Variants in IFT122 observed in about 807,000 individuals in gnomAD.
IFT122 encodes intraflagellar transport 122.
IFT122 carries 118 observed loss-of-function variants against 161.6 expected under a neutral mutation model. The ratio of observed to expected loss-of-function variants is 0.73; its 90% CI spans 0.63 to 0.85. The LOEUF (loss-of-function observed/expected upper bound fraction) is 0.85. Ranked by LOEUF, IFT122 falls within the 40% of genes least tolerant of loss-of-function variation. The pLI is 0.00. For synonymous variants in IFT122, 550 were observed against 602.4 expected, an observed-to-expected ratio of 0.91 and a Z score of 1.27; for missense variants, 1,381 against 1,579.6, an observed-to-expected ratio of 0.87 and a Z score of 2.13.
chr3:129,466,495 C>CTTTTTTTTTTTTTTTTTTTTTTTT (rs527470540), intron 7 of IFT122, among the ~76,000 whole-genome samples: 3 of 102,176 alleles, frequency 2.9e-5, no homozygotes, highest in Non-Finnish European at 1.9e-5. Flanking sequence ...TATTTTTATT[C>CTTTTTTTTTTTTTTTTTTTTTTTT]TTTTTTTTTT....
intron 14 of IFT122, 140 bp downstream of exon 14, chr3:129,481,834 T>A: frequency 1.2e-6 from 1 of 858,786 alleles, no homozygotes; most frequent in Non-Finnish European, 1.9e-6. Flanking sequence ...ATGCACAGAG[T>A]CCCAGAGGCC....
At chr3:129,465,465 CTTTTT>C (rs61439083) in intron 7 of IFT122, among the ~76,000 whole-genome samples, 2 of 101,246 alleles carry the variant, frequency 2.0e-5, no homozygotes, top group Admixed American at 1.2e-4. Flanking sequence ...ATTATATGCT[CTTTTT>C]TTTTTTTTTT....
At chr3:129,481,832 A>G in intron 14 of IFT122, 138 bp downstream of exon 14, 1 of 872,422 alleles carries the variant, frequency 1.1e-6, no homozygotes, top group Non-Finnish European at 1.9e-6. Context: ...ACATGCACAG[A>G]GTCCCAGAGG....
intron 1 of IFT122, among the ~76,000 whole-genome samples, chr3:129,444,554 G>A (rs971819751): frequency 1.3e-5 from 2 of 151,270 alleles, no homozygotes; most frequent in East Asian, 3.9e-4. Flanking sequence ...ACAGAGTCTC[G>A]CTCTGTTGCC....
intron 17 of IFT122, 61 bp downstream of exon 17, chr3:129,492,255 C>T: frequency 1.5e-6 from 2 of 1,308,582 alleles, no homozygotes; most frequent in Admixed American, 3.4e-5. Flanking sequence ...GTTTTAGGGG[C>T]AGCCCTTCTA....
At chr3:129,451,594 G>A (rs1367528611) in intron 2 of IFT122, among the ~76,000 whole-genome samples, 1 of 152,100 alleles carries the variant, frequency 6.6e-6, no homozygotes, top group African/African-American at 2.4e-5. Context: ...TATTTAGGAG[G>A]GCCTGCCTTG....
intron 23 of IFT122, among the ~76,000 whole-genome samples, chr3:129,509,036 G>A (rs979599816): frequency 3.9e-5 from 6 of 152,000 alleles, no homozygotes; most frequent in Non-Finnish European, 7.4e-5. Context: ...ACCTTTTTTT[G>A]GTGCAAGTTT....
At chr3:129,514,365 T>C (rs774141974) in intron 24 of IFT122, 24 bp from the exon 25 acceptor site, 1 of 1,613,750 alleles carries the variant, frequency 6.2e-7, no homozygotes, top group South Asian at 1.1e-5. Context: ...TTGCCCCTGC[T>C]GTCCTTAACC....
intron 8 of IFT122, among the ~76,000 whole-genome samples, chr3:129,467,433 AC>A (rs1400654831): frequency 6.6e-6 from 1 of 152,088 alleles, no homozygotes; most frequent in Admixed American, 6.5e-5. Flanking sequence ...TATAGTGTGA[AC>A]CCTTTCCAGT....
chr3:129,520,342 A>G lies in IFT122; in HGVS notation c.*77A>G, dbSNP rs2084604554. 1 of 1,133,668 alleles carries G rather than the reference A, an allele frequency of 8.8e-7. No individual in the cohort carries two copies. Among genetic ancestry groups the G allele is most frequent in the Non-Finnish European group, 1.3e-6 (1 of 774,770 alleles). The allele number at this position is 1,133,668 out of a possible 1,614,324, so 70.2% of individuals were successfully genotyped here. On this transcript the variant is annotated 3_prime_UTR_variant, in exon 30 of 30. Transcript: ENST00000348417. ...GCTGTGAAGGAGAATAAAGAGTTAA[A>G]CTGTCAGAATGTGTTTCTTGCCCAG...
rs370235408 is a variant in IFT122 at position 129,518,831 on chromosome 3, C to T, written c.3392-276C>T. 5.9e-5 allele frequency among the ~76,000 whole-genome samples: 9 copies of T among 152,334 alleles called. No homozygotes were observed. In the East Asian group the frequency reaches 9.6e-4, roughly 16 times the overall value. On this transcript the variant is annotated intron_variant, in intron 27 of 29. Transcript: ENST00000348417. ...CCAGGATCCCTGGGCCCATCCCCTC[C>T]GTGCCTACCCGCAGTGGCTCACAGG...
chr3:129,514,580 G>C, intron 25 of IFT122, 26 bp downstream of exon 25: 1 of 1,613,978 alleles, frequency 6.2e-7, no homozygotes, highest in Non-Finnish European at 8.5e-7. Context: ...CCTTGGGCAG[G>C]TGGCTTCTCC....
At chr3:129,517,929 G>A (rs2084201356) in intron 27 of IFT122, among the ~76,000 whole-genome samples, 1 of 152,176 alleles carries the variant, frequency 6.6e-6, no homozygotes, top group African/African-American at 2.4e-5. Context: ...TCATGATGTC[G>A]GTGTTGGCCC....
chr3:129,514,534 A>G lies in IFT122; in HGVS notation c.3133A>G (p.Lys1045Glu), dbSNP rs1221515705. 1.2e-6 allele frequency: 2 copies of G among 1,614,088 alleles called. No homozygotes were observed. Among genetic ancestry groups the G allele is most frequent in the Non-Finnish European group, 1.7e-6 (2 of 1,180,036 alleles). ...GCTGGGTACCCTGACCATCCGCGCCAAGCCCTTCCACGACAGTGAGGTGAG... is the reference window on the plus strand; with the variant it reads ...GCTGGGTACCCTGACCATCCGCGCCGAGCCCTTCCACGACAGTGAGGTGAG... ...IELGTLTIRA[K>E]PFHDSEELVP... Residue 1045 changes from lysine to glutamate, a missense_variant, in exon 25 of 30, where the codon AAG (lysine) becomes GAG (glutamate). Coordinates refer to ENST00000348417, the MANE Select transcript of IFT122 (RefSeq NM_052989.3).
At chr3:129,463,248 C>CGT in intron 5 of IFT122, 1 of 357,754 alleles carries the variant, frequency 2.8e-6, no homozygotes, top group Non-Finnish European at 5.3e-6. Flanking sequence ...GTGTAGATTG[C>CGT]CATCAGCGTG....
Position 129,446,929 on chromosome 3 carries a change from T to C in IFT122, c.42-2942T>C, listed in dbSNP as rs77979475. On this transcript the variant is annotated intron_variant, in intron 1 of 29. Transcript: ENST00000348417. ...GTAACTTCAGTAGTAACCTTAACAA[T>C]AGTCTGTTTTGACAGGTTTTTGACA... 2.0e-3 allele frequency among the ~76,000 whole-genome samples: 299 copies of C among 152,356 alleles called. 1 individual carries two copies. Among genetic ancestry groups the C allele is most frequent in the African/African-American group, 6.3e-3 (261 of 41,586 alleles).
intron 20 of IFT122, chr3:129,504,007 T>G: frequency 2.6e-6 from 1 of 383,674 alleles, no homozygotes; most frequent in Non-Finnish European, 5.0e-6. Flanking sequence ...GAAATCTGTT[T>G]GCAGCACTAC....
chr3:129,508,891 T>TA (rs1379788852), intron 23 of IFT122, among the ~76,000 whole-genome samples: 5 of 152,202 alleles, frequency 3.3e-5, no homozygotes, highest in Non-Finnish European at 7.3e-5. Context: ...TGTGAACCAG[T>TA]GCCAGCTGCA....
chr3:129,465,651 T>TAG (rs1209332598), intron 7 of IFT122, among the ~76,000 whole-genome samples: 1 of 91,874 alleles, frequency 1.1e-5, no homozygotes, highest in Non-Finnish European at 1.8e-5. Flanking sequence ...TTTTTTTTTT[T>TAG]TTGAGACGGA....
Sources: gnomAD v4.1 joint callset for allele counts (sites outside exome capture counted in the v4.1 genomes callset) on GRCh38, gnomAD v4.1.1 for gene constraint, MANE v1.5 for transcripts, NCBI Gene and HGNC (gene_info 2026-07-23, HGNC 2026-07-21) for gene names.